Variants in DAW1 observed in about 807,000 individuals in gnomAD.
DAW1 encodes dynein assembly factor with WD repeats 1, also known as dynein assembly factor with WD repeat domains 1.
Under a neutral mutation model 56.5 loss-of-function variants are expected in DAW1, and 47 were observed. The observed-to-expected ratio is 0.83, with a 90% CI of 0.66 to 1.06. The LOEUF (loss-of-function observed/expected upper bound fraction) is 1.06. Among genes scored for constraint, DAW1 ranks in the 50% least tolerant of loss-of-function variants. The probability of loss-of-function intolerance (pLI) is 0.00; values close to 1 mark genes in which losing one functional copy is unlikely to be tolerated. For synonymous variants in DAW1, 190 were observed against 179.0 expected (o/e 1.06, Z -0.49); for missense variants, 505 against 499.3 (o/e 1.01, Z -0.11).
intron 6 of DAW1, among the ~76,000 whole-genome samples, chr2:227,899,503 T>C (rs1721374): frequency 0.85 from 129,905 of 152,188 alleles, 55,594 homozygotes; most frequent in Middle Eastern, 0.96. Flanking sequence ...CCACCTCTCC[T>C]GTAACTGTCA....
chr2:227,889,967 C>T lies in DAW1; in HGVS notation c.225C>T (p.Gly75=). 6.3e-7 allele frequency: 1 copy of T among 1,598,572 alleles called. No individual in the cohort carries two copies. Among genetic ancestry groups the T allele is most frequent in the Non-Finnish European group, 8.5e-7 (1 of 1,173,994 alleles). Residue 75 remains glycine, a synonymous_variant, in exon 3 of 13, where the codon GGC becomes GGT. Transcript: ENST00000309931. ...LLIQRLQEKL[G]QNSNHTFYLF... ...TACAGAGGTTGCAAGAGAAACTCGG[C>T]CAGAACAGCAATCACACGTTCTATC...
At chr2:227,910,999 GATAACAT>G (rs1487160885) in intron 10 of DAW1, among the ~76,000 whole-genome samples, 1 of 151,776 alleles carries the variant, frequency 6.6e-6, no homozygotes, top group Non-Finnish European at 1.5e-5. Context: ...TCATCTCCCT[GATAACAT>G]ATAACACCGC....
intron 6 of DAW1, among the ~76,000 whole-genome samples, chr2:227,901,895 T>A (rs1691555069): frequency 6.6e-6 from 1 of 151,998 alleles, no homozygotes; most frequent in South Asian, 2.1e-4. Context: ...AGTTAGTGGG[T>A]GCATCTCCCC....
At position 227,885,426 on chromosome 2, in the gene DAW1, A is replaced by G; in HGVS notation, c.113+3A>G. ...GATTTGCTTGATCTTGGTCCCAGGT[A>G]AGTAAGCTGTAGGATTCAACAAATA... On this transcript the variant is annotated splice_donor_region_variant and intron_variant, in intron 2 of 12. Transcript: ENST00000309931. The G allele has an allele frequency of 3.8e-6, 6 of 1,599,122 alleles. No homozygotes were observed. Among genetic ancestry groups the G allele is most frequent in the Non-Finnish European group, 5.1e-6 (6 of 1,174,476 alleles).
intron 6 of DAW1, among the ~76,000 whole-genome samples, chr2:227,902,657 G>C (rs1178468003): frequency 6.6e-6 from 1 of 152,092 alleles, no homozygotes; most frequent in Non-Finnish European, 1.5e-5. Context: ...GCTGTGATTG[G>C]AAGGACTGTG....
intron 1 of DAW1, among the ~76,000 whole-genome samples, chr2:227,873,846 A>C (rs1690811872): frequency 6.6e-6 from 1 of 152,010 alleles, no homozygotes; most frequent in Non-Finnish European, 1.5e-5. Context: ...AAGCCCAGCT[A>C]ATTTTTGTAT....
rs147139881 is a variant in DAW1 at position 227,881,469 on chromosome 2, C to T, written c.41-3882C>T. On this transcript the variant is annotated intron_variant, in intron 1 of 12. Coordinates refer to ENST00000309931, the MANE Select transcript of DAW1 (RefSeq NM_178821.3). The stretch of plus-strand genomic sequence containing the variant: ...TATGTTTCCTTCTTCAAAGATGTTA[C>T]AATCTCACTGGAAAGAGAAGGCATA... Among the ~76,000 whole-genome samples, 303 of 152,280 alleles carry T rather than the reference C, an allele frequency of 2.0e-3. 1 individual carries two copies. Among genetic ancestry groups the T allele is most frequent in the African/African-American group, 6.9e-3 (288 of 41,560 alleles).
At chr2:227,907,374 A>C in intron 10 of DAW1, 122 bp downstream of exon 10, 3 of 731,434 alleles carry the variant, frequency 4.1e-6, no homozygotes, top group Non-Finnish European at 6.6e-6. Flanking sequence ...ACCATGTCTC[A>C]TCTCTATCGT....
intron 7 of DAW1, 55 bp downstream of exon 7, chr2:227,903,164 T>C: frequency 6.3e-7 from 1 of 1,576,860 alleles, no homozygotes; most frequent in Non-Finnish European, 8.7e-7. Context: ...ATTTGTGTTT[T>C]TGTTACAAAA....
At chr2:227,883,356 A>AT (rs1226937125) in intron 1 of DAW1, among the ~76,000 whole-genome samples, 1 of 152,260 alleles carries the variant, frequency 6.6e-6, no homozygotes, top group Non-Finnish European at 1.5e-5. Flanking sequence ...GTGATGAAAT[A>AT]TGTCAACAGT....
chr2:227,902,693 C>T (rs1691574522), intron 6 of DAW1, among the ~76,000 whole-genome samples: 1 of 151,992 alleles, frequency 6.6e-6, no homozygotes, highest in Non-Finnish European at 1.5e-5. Flanking sequence ...AGAAGGAGAG[C>T]CATATAGCAC....
At chr2:227,893,954 A>G in intron 5 of DAW1, 37 bp downstream of exon 5, 1 of 1,511,588 alleles carries the variant, frequency 6.6e-7, no homozygotes, top group Non-Finnish European at 8.9e-7. Context: ...TTATTAATTC[A>G]TTTATTCATC....
intron 1 of DAW1, chr2:227,876,491 G>A (rs1231830600): frequency 3.1e-6 from 4 of 1,301,652 alleles, no homozygotes; most frequent in African/African-American, 1.5e-5. Context: ...CTACTGAATA[G>A]CAGGTGGGTG....
chr2:227,912,518 C>G (rs568992200), intron 10 of DAW1: 1 of 1,287,030 alleles, frequency 7.8e-7, no homozygotes. Context: ...ATATATAATG[C>G]TGCACTGTCT....
intron 7 of DAW1, among the ~76,000 whole-genome samples, chr2:227,904,674 T>C (rs1469893414): frequency 6.6e-6 from 1 of 152,138 alleles, no homozygotes; most frequent in Non-Finnish European, 1.5e-5. Context: ...ACTAGCTGTG[T>C]GTAAGTCACT....
At chr2:227,908,556 A>G (rs1384415888) in intron 10 of DAW1, among the ~76,000 whole-genome samples, 1 of 152,210 alleles carries the variant, frequency 6.6e-6, no homozygotes, top group Non-Finnish European at 1.5e-5. Context: ...TTTGACAAAC[A>G]TATGTGATGA....
chr2:227,889,715 A>G (rs1691212911), intron 2 of DAW1, 141 bp from the exon 3 acceptor site: 7 of 631,118 alleles, frequency 1.1e-5, no homozygotes, highest in Non-Finnish European at 1.7e-5. Flanking sequence ...CCACCCCCAG[A>G]TATCTCTTGG....
At chr2:227,922,610 T>C (rs2106220442) in intron 12 of DAW1, among the ~76,000 whole-genome samples, 1 of 152,328 alleles carries the variant, frequency 6.6e-6, no homozygotes, top group Non-Finnish European at 1.5e-5. Flanking sequence ...GGCCCAAGGC[T>C]GGCTTTACAT....
chr2:227,876,643 G>A (rs758716049), intron 1 of DAW1: 120 of 448,722 alleles, frequency 2.7e-4, no homozygotes, highest in Non-Finnish European at 3.6e-4. Context: ...TTTGAATAAC[G>A]TATAGGTCAG....
Sources: gnomAD v4.1 joint callset for allele counts (sites outside exome capture counted in the v4.1 genomes callset) on GRCh38, gnomAD v4.1.1 for gene constraint, MANE v1.5 for transcripts, NCBI Gene and HGNC (gene_info 2026-07-23, HGNC 2026-07-21) for gene names.